Variants in SERGEF observed in about 807,000 individuals in gnomAD.
The protein encoded by SERGEF is secretion-regulating guanine nucleotide exchange factor.
SERGEF carries 51 observed loss-of-function variants against 50.0 expected under a neutral mutation model. The ratio of observed to expected loss-of-function variants is 1.02; its 90% CI spans 0.81 to 1.29. The LOEUF (loss-of-function observed/expected upper bound fraction) is 1.29, where lower values mean the gene tolerates loss of function less well. SERGEF is among the 50% of genes most tolerant of loss of function. The pLI is 0.00. For synonymous variants in SERGEF, 205 were observed against 212.4 expected (o/e 0.97, Z 0.30); for missense variants, 521 against 557.0 (o/e 0.94, Z 0.65).
intron 3 of SERGEF, among the ~76,000 whole-genome samples, chr11:18,004,934 G>C (rs189857410): frequency 6.6e-6 from 1 of 152,302 alleles, no homozygotes; most frequent in Non-Finnish European, 1.5e-5. Context: ...ACCAACTGGT[G>C]AGTTTAGGAG....
chr11:17,817,788 T>C (rs1299305770), intron 10 of SERGEF, among the ~76,000 whole-genome samples: 3 of 152,178 alleles, frequency 2.0e-5, no homozygotes, highest in African/African-American at 7.2e-5. Flanking sequence ...ACATAGCTAA[T>C]AAGGGGCAAT....
intron 9 of SERGEF, among the ~76,000 whole-genome samples, chr11:17,915,110 G>A (rs185694994): frequency 2.0e-5 from 3 of 152,246 alleles, no homozygotes; most frequent in Admixed American, 6.5e-5. Context: ...TATAGTGCTT[G>A]CATAAATAGG....
intron 10 of SERGEF, among the ~76,000 whole-genome samples, chr11:17,873,611 A>T: frequency 6.6e-6 from 1 of 152,184 alleles, no homozygotes; most frequent in East Asian, 1.9e-4. Flanking sequence ...ATGAAAAAAA[A>T]ATCCATGCAT....
rs1020550473 is a variant in SERGEF, at chr11:17,991,131, T to C, written c.685+1800A>G. ...TAATCTTTAGCTCATTTTCAAAATA[T>C]CAAAAACCATTTCACTTTGTGAATA... On this transcript the variant is annotated intron_variant, in intron 7 of 10. Transcript: ENST00000265965. This position sits in a 1 kb window ranked among gnomAD's most constrained non-coding sequence, Gnocchi z 4.9. Among the ~76,000 whole-genome samples the C allele has an allele frequency of 1.3e-5, 2 of 152,156 alleles. No homozygotes were observed. The highest frequency in any genetic ancestry group is 2.4e-5 in the African/African-American group (1 of 41,432).
chr11:17,792,812 G>T (rs11024400), intron 10 of SERGEF, among the ~76,000 whole-genome samples: 23,142 of 152,090 alleles, frequency 0.15, 2,191 homozygotes, highest in African/African-American at 0.26. Flanking sequence ...ACATCCCAGG[G>T]CTTGTCAAGC....
intron 9 of SERGEF, chr11:17,918,663 C>CA (rs1565204600): frequency 0.021 from 5,094 of 241,406 alleles, 85 homozygotes; most frequent in South Asian, 0.04. Context: ...TACACACACA[C>CA]TCTCTCTCTC....
chr11:17,861,366 C>G (rs1049316888), intron 10 of SERGEF, among the ~76,000 whole-genome samples: 1 of 152,220 alleles, frequency 6.6e-6, no homozygotes, highest in African/African-American at 2.4e-5. Context: ...GGGTGGCAAT[C>G]TTGCCCGTGG....
chr11:17,789,673 C>G (rs897565623), intron 10 of SERGEF, among the ~76,000 whole-genome samples: 2 of 152,208 alleles, frequency 1.3e-5, no homozygotes, highest in African/African-American at 4.8e-5. Flanking sequence ...AGCAAACTTG[C>G]AGAATCTTGC....
intron 8 of SERGEF, among the ~76,000 whole-genome samples, chr11:17,978,542 A>C (rs1437557125): frequency 6.6e-6 from 1 of 152,170 alleles, no homozygotes; most frequent in African/African-American, 2.4e-5. Flanking sequence ...CAGGCCCTTG[A>C]AGAAATCAGG....
intron 10 of SERGEF, among the ~76,000 whole-genome samples, chr11:17,828,592 A>G (rs1850243262): frequency 6.6e-6 from 1 of 152,196 alleles, no homozygotes; most frequent in Non-Finnish European, 1.5e-5. Context: ...CTCTTTGGGA[A>G]AACCGCTTTT....
intron 10 of SERGEF, among the ~76,000 whole-genome samples, chr11:17,797,109 C>T (rs1214879538): frequency 5.3e-5 from 8 of 152,190 alleles, no homozygotes; most frequent in Non-Finnish European, 1.2e-4. Flanking sequence ...GTGCCATCAC[C>T]CCTCAAGGGC....
chr11:17,788,577 C>T (rs1332650863), intron 10 of SERGEF, among the ~76,000 whole-genome samples, 164 bp from the exon 11 acceptor site: 2 of 152,150 alleles, frequency 1.3e-5, no homozygotes, highest in Non-Finnish European at 2.9e-5. Flanking sequence ...TCCTTCCCTT[C>T]CCCTGAGGGC....
chr11:17,863,617 T>C (rs1850969049), intron 10 of SERGEF: 1 of 152,222 alleles, frequency 6.6e-6, no homozygotes, highest in Non-Finnish European at 1.5e-5. Flanking sequence ...TATTCATTCA[T>C]TCATTCATTC....
At chr11:17,864,840 A>G (rs923636850) in intron 10 of SERGEF, among the ~76,000 whole-genome samples, 1 of 152,198 alleles carries the variant, frequency 6.6e-6, no homozygotes, top group Non-Finnish European at 1.5e-5. Context: ...CAGCTCTGCT[A>G]CTGACCAGCT....
At chr11:17,898,544 T>C (rs148721216) in intron 9 of SERGEF, among the ~76,000 whole-genome samples, 1 of 152,336 alleles carries the variant, frequency 6.6e-6, no homozygotes, top group Non-Finnish European at 1.5e-5. Flanking sequence ...GATGCTTACA[T>C]GATGGTTCAC....
intron 1 of SERGEF, among the ~76,000 whole-genome samples, chr11:18,010,766 T>C (rs1485940706): frequency 2.0e-5 from 3 of 152,210 alleles, no homozygotes; most frequent in African/African-American, 7.2e-5. Context: ...CCCCTGCATC[T>C]GAAACTGTGC....
intron 9 of SERGEF, among the ~76,000 whole-genome samples, chr11:17,919,611 C>T (rs2133937809): frequency 6.6e-6 from 1 of 152,194 alleles, no homozygotes; most frequent in South Asian, 2.1e-4. Context: ...TTATTAAATC[C>T]TTACAACCCT....
At chr11:17,937,610 T>C (rs1284572755) in intron 9 of SERGEF, among the ~76,000 whole-genome samples, 4 of 152,096 alleles carry the variant, frequency 2.6e-5, no homozygotes, top group African/African-American at 9.7e-5. Flanking sequence ...GTTGTGAAAT[T>C]ACAGATGATT....
chr11:17,843,545 T>C (rs1322050918), intron 10 of SERGEF, among the ~76,000 whole-genome samples: 1 of 152,220 alleles, frequency 6.6e-6, no homozygotes, highest in African/African-American at 2.4e-5. Context: ...TTTTCTTAGA[T>C]TCCAAAGTCT....
Sources: gnomAD v4.1 joint callset for allele counts (sites outside exome capture counted in the v4.1 genomes callset) on GRCh38, gnomAD v4.1.1 for gene constraint, Gnocchi (gnomAD v3.1) non-coding constraint, MANE v1.5 for transcripts, NCBI Gene and HGNC (gene_info 2026-07-23, HGNC 2026-07-21) for gene names.